GRID1: variants seen among roughly 807,000 people sequenced by gnomAD.
GRID1 encodes glutamate receptor ionotropic, delta-1.
A neutral mutation model predicts 98.0 loss-of-function variants in GRID1; 28 were observed. The observed-to-expected ratio is 0.29, with a 90% confidence interval of 0.21 to 0.39. The LOEUF is 0.39. Among genes scored for constraint, GRID1 ranks in the 10% least tolerant of loss-of-function variants. GRID1 has a pLI of 1.00. For missense variants in GRID1, 1,111 were observed against 1,340.5 expected (o/e 0.83, Z 2.67); for synonymous variants, 553 against 538.5 (o/e 1.03, Z -0.37).
chr10:86,200,970 T>C (rs1845942904), intron 3 of GRID1, among the ~76,000 whole-genome samples: 1 of 152,220 alleles, frequency 6.6e-6, no homozygotes, highest in South Asian at 2.1e-4. Context: ...TTGCACATGG[T>C]AGTGTGAATA....
intron 4 of GRID1, among the ~76,000 whole-genome samples, chr10:85,954,781 G>A (rs1842168593): frequency 6.6e-6 from 1 of 152,320 alleles, no homozygotes; most frequent in South Asian, 2.1e-4. Context: ...ACTAATAAGT[G>A]TTGAAGTAGT....
intron 3 of GRID1, among the ~76,000 whole-genome samples, chr10:86,140,196 A>C (rs2131973018): frequency 1.3e-5 from 2 of 152,220 alleles, no homozygotes; most frequent in South Asian, 4.2e-4. Context: ...CCATCCTTGC[A>C]TTCCACCTCC....
chr10:85,679,803 G>C (rs1377932491), intron 12 of GRID1, among the ~76,000 whole-genome samples: 1 of 152,200 alleles, frequency 6.6e-6, no homozygotes, highest in Non-Finnish European at 1.5e-5. Flanking sequence ...CAGGACCCAT[G>C]ACAAACCATC....
At chr10:86,070,607 A>G (rs1185771592) in intron 4 of GRID1, among the ~76,000 whole-genome samples, 2 of 152,098 alleles carry the variant, frequency 1.3e-5, no homozygotes, top group African/African-American at 4.8e-5. Context: ...GGAACTATCC[A>G]TCAGCCTTCT....
intron 2 of GRID1, among the ~76,000 whole-genome samples, chr10:86,319,356 C>T (rs561731804): frequency 5.6e-4 from 86 of 152,320 alleles, no homozygotes; most frequent in Non-Finnish European, 7.3e-5. Context: ...TAGCTTCACC[C>T]AACCTGGCCA....
intron 2 of GRID1, among the ~76,000 whole-genome samples, chr10:86,277,358 G>A (rs951856599): frequency 1.3e-5 from 2 of 152,104 alleles, no homozygotes; most frequent in Admixed American, 6.6e-5. Flanking sequence ...GAAATGAAAG[G>A]ACACTACACA....
chr10:85,693,924 C>A (rs1824404640), intron 12 of GRID1, among the ~76,000 whole-genome samples: 1 of 152,064 alleles, frequency 6.6e-6, no homozygotes, highest in Non-Finnish European at 1.5e-5. Context: ...CAAAAGTAGA[C>A]AAATGGGAAT....
At chr10:86,099,933 C>A (rs533095554) in intron 4 of GRID1, among the ~76,000 whole-genome samples, 1 of 152,186 alleles carries the variant, frequency 6.6e-6, no homozygotes, top group Non-Finnish European at 1.5e-5. Context: ...CTTCAGCACC[C>A]TCATGGGGCT....
chr10:86,207,477 G>T (rs1258130742), intron 2 of GRID1, among the ~76,000 whole-genome samples: 1 of 152,144 alleles, frequency 6.6e-6, no homozygotes, highest in East Asian at 1.9e-4. Flanking sequence ...GGCGCCCCTT[G>T]TAGCCACGTG....
chr10:85,761,204 A>G (rs542880024), intron 8 of GRID1, among the ~76,000 whole-genome samples: 2 of 152,202 alleles, frequency 1.3e-5, no homozygotes, highest in African/African-American at 2.4e-5. Context: ...ACAATTCTCA[A>G]TGAGCTCCAA....
At chr10:86,138,275 C>G (rs1844958298) in intron 4 of GRID1, among the ~76,000 whole-genome samples, 1 of 152,170 alleles carries the variant, frequency 6.6e-6, no homozygotes, top group South Asian at 2.1e-4. Context: ...TGGGCCCTGT[C>G]TTCATTAGAA....
intron 14 of GRID1, among the ~76,000 whole-genome samples, chr10:85,618,861 C>T (rs1288875354): frequency 2.6e-5 from 4 of 152,192 alleles, no homozygotes; most frequent in Non-Finnish European, 5.9e-5. Flanking sequence ...ACCCAGATAT[C>T]CTAGTTGCCC....
At chr10:85,964,199 G>A (rs963991788) in intron 4 of GRID1, among the ~76,000 whole-genome samples, 2 of 152,124 alleles carry the variant, frequency 1.3e-5, no homozygotes, top group African/African-American at 4.8e-5. Context: ...TCATGAAAAT[G>A]GCCATACTGC....
At chr10:85,748,087 A>C (rs1472263008) in intron 8 of GRID1, among the ~76,000 whole-genome samples, 2 of 152,162 alleles carry the variant, frequency 1.3e-5, no homozygotes, top group Non-Finnish European at 2.9e-5. Context: ...GCACCTGCCC[A>C]CCGTGACTGT....
At chr10:85,635,321 G>A (rs944715178) in intron 13 of GRID1, among the ~76,000 whole-genome samples, 2 of 152,102 alleles carry the variant, frequency 1.3e-5, no homozygotes, top group African/African-American at 4.8e-5. Flanking sequence ...TAAACAGCAA[G>A]GAGTTATAAA....
At chr10:85,869,845 A>G (rs1843259459) in intron 5 of GRID1, among the ~76,000 whole-genome samples, 1 of 152,148 alleles carries the variant, frequency 6.6e-6, no homozygotes, top group Non-Finnish European at 1.5e-5. Flanking sequence ...GTCTATATTG[A>G]CTACAAAAAG....
At chr10:85,677,598 T>G (rs1164859607) in intron 12 of GRID1, among the ~76,000 whole-genome samples, 1 of 152,182 alleles carries the variant, frequency 6.6e-6, no homozygotes, top group Non-Finnish European at 1.5e-5. Context: ...GATACAAACC[T>G]ACATCAGATG....
intron 13 of GRID1, among the ~76,000 whole-genome samples, chr10:85,625,071 A>G (rs745516826): frequency 1.3e-5 from 2 of 152,238 alleles, no homozygotes; most frequent in Non-Finnish European, 2.9e-5. Context: ...ATTATTATTG[A>G]TAGATACGGT....
rs145971691 is a variant in GRID1, at chr10:86,050,346, A to C, written c.726+88473T>G. On this transcript the variant is annotated intron_variant, in intron 4 of 15. Transcript: ENST00000327946. ...GTAGTGTTTAGTATTAAATTAATAA[A>C]TAATTTTACACATTTTAAACATTTA... Among the ~76,000 whole-genome samples the C allele has an allele frequency of 3.8e-4, 58 of 152,362 alleles. 1 individual carries two copies. The East Asian group carries it at 9.4e-3, about 25-fold the overall frequency.
Sources: allele counts gnomAD v4.1 joint callset (sites outside exome capture counted in the v4.1 genomes callset), GRCh38; gene constraint gnomAD v4.1.1; transcripts MANE v1.5; gene names NCBI Gene and HGNC (gene_info 2026-07-23, HGNC 2026-07-21).